The following PRPH2 variants were observed in gnomAD, a reference collection of about 807,000 sequenced individuals.
PRPH2 encodes peripherin 2.
PRPH2 carries 17 observed loss-of-function variants against 31.3 expected under a neutral mutation model. The observed-to-expected ratio is 0.54, with a 90% confidence interval of 0.37 to 0.81. The LOEUF is 0.81. Among genes scored for constraint, PRPH2 ranks in the 40% least tolerant of loss-of-function variants. The pLI is 0.00. For missense variants in PRPH2, 430 were observed against 439.7 expected (o/e 0.98, Z 0.20); for synonymous variants, 165 against 184.4 (o/e 0.89, Z 0.85).
chr6:42,722,487 T>G lies in PRPH2; in HGVS notation c.-153A>C. ...GGGGGCTACCCATGTCGAGTCCCAC[T>G]AGCCTGGGATCCCCGTGAATGCAGT... On this transcript the variant is annotated 5_prime_UTR_variant, in exon 1 of 3. Transcript: ENST00000230381. The surrounding 1 kb of genome is among the most constrained non-coding windows in gnomAD (Gnocchi z 4.4). The G allele has an allele frequency of 6.6e-7, 1 of 1,507,552 alleles. No homozygotes were observed. The highest frequency in any genetic ancestry group is 2.1e-5 in the Admixed American group (1 of 47,810). The allele number at this position is 1,507,552 out of a possible 1,614,324, so 93.4% of individuals were successfully genotyped here.
intron 1 of PRPH2, among the ~76,000 whole-genome samples, chr6:42,710,432 G>A (rs1800254362): frequency 6.6e-6 from 1 of 152,170 alleles, no homozygotes; most frequent in Admixed American, 6.5e-5. Flanking sequence ...AACTCCTGGG[G>A]TCTCTCACTT....
At chr6:42,716,708 C>T (rs1761789917) in intron 1 of PRPH2, among the ~76,000 whole-genome samples, 1 of 149,852 alleles carries the variant, frequency 6.7e-6, no homozygotes, top group African/African-American at 2.5e-5. Context: ...GCAATCTCCG[C>T]CTCCCAGATT....
chr6:42,697,502 G>T lies in PRPH2; in HGVS notation c.*793C>A, dbSNP rs1799967851. ...AGCCTACCCCACTGCTTCCACCGAT[G>T]AGCCACAGGAGATCACCTGGCACTT... On this transcript the variant is annotated 3_prime_UTR_variant, in exon 3 of 3. Coordinates refer to ENST00000230381, the MANE Select transcript of PRPH2 (RefSeq NM_000322.5). The T allele has an allele frequency of 6.6e-6, 1 of 152,252 alleles. No homozygotes were observed. Among genetic ancestry groups the T allele is most frequent in the Admixed American group, 6.5e-5 (1 of 15,272 alleles). The allele number at this position is 152,252 out of a possible 1,614,324, so 9.4% of individuals were successfully genotyped here.
intron 2 of PRPH2, among the ~76,000 whole-genome samples, chr6:42,703,806 TA>T (rs893786241): frequency 6.6e-6 from 1 of 151,968 alleles, no homozygotes; most frequent in African/African-American, 2.4e-5. Context: ...TCACCTCAAT[TA>T]AAAAAACAAT....
At chr6:42,703,340 A>T (rs1800081334) in intron 2 of PRPH2, among the ~76,000 whole-genome samples, 1 of 152,254 alleles carries the variant, frequency 6.6e-6, no homozygotes, top group Non-Finnish European at 1.5e-5. Context: ...AGCGTTGCAG[A>T]TAAGATGAAC....
At chr6:42,704,116 A>T (rs9394920) in intron 2 of PRPH2, among the ~76,000 whole-genome samples, 3 of 136,196 alleles carry the variant, frequency 2.2e-5, no homozygotes, top group East Asian at 2.6e-4. Context: ...AAAAAAAAAT[A>T]AAAAAAATAA....
At chr6:42,710,001 A>C (rs1479580334) in intron 1 of PRPH2, among the ~76,000 whole-genome samples, 3 of 152,178 alleles carry the variant, frequency 2.0e-5, no homozygotes, top group Non-Finnish European at 4.4e-5. Flanking sequence ...TGAGGCCAGC[A>C]GAGGCTCTGA....
chr6:42,717,624 C>G (rs894022305), intron 1 of PRPH2, among the ~76,000 whole-genome samples: 1 of 152,146 alleles, frequency 6.6e-6, no homozygotes, highest in African/African-American at 2.4e-5. Flanking sequence ...GTCATGTAAA[C>G]TCACTAAACC....
intron 1 of PRPH2, among the ~76,000 whole-genome samples, chr6:42,707,672 G>A (rs73426451): frequency 0.26 from 39,658 of 152,038 alleles, 5,645 homozygotes; most frequent in African/African-American, 0.38. Context: ...TGTGCTCAAG[G>A]GCCACTGGTG....
intron 1 of PRPH2, among the ~76,000 whole-genome samples, chr6:42,708,782 G>C (rs889058873): frequency 1.4e-4 from 22 of 152,234 alleles, no homozygotes; most frequent in African/African-American, 5.1e-4. Flanking sequence ...GTATTTGGGA[G>C]CCATGGAGCT....
intron 1 of PRPH2, among the ~76,000 whole-genome samples, chr6:42,705,602 ATATATATATAT>A (rs1562424310): frequency 5.9e-4 from 7 of 11,832 alleles, no homozygotes; most frequent in East Asian, 3.7e-3. Flanking sequence ...AAAAAAAAAT[ATATATATATAT>A]ATATATATAT....
At chr6:42,701,853 T>A (rs947398798) in intron 2 of PRPH2, among the ~76,000 whole-genome samples, 7 of 151,960 alleles carry the variant, frequency 4.6e-5, no homozygotes, top group African/African-American at 1.7e-4. Flanking sequence ...TCCAGCAGTA[T>A]GTTCCTCTCC....
At chr6:42,702,564 T>C (rs1800065504) in intron 2 of PRPH2, among the ~76,000 whole-genome samples, 1 of 50,688 alleles carries the variant, frequency 2.0e-5, no homozygotes, top group African/African-American at 6.8e-5. Context: ...TATGGGTACA[T>C]GTTTAAGAAA....
rs35810763 is a variant in PRPH2 at position 42,719,567 on chromosome 6, CT to C, written c.581+2186del. On this transcript the variant is annotated intron_variant, in intron 1 of 2. Transcript: ENST00000230381. ...ATTACAAAATGGAACACTAAATTGT[CT>C]TTTTTTTTTTTTTTTTTTTGAGACA... Among the ~76,000 whole-genome samples, 674 of 111,064 alleles carry C rather than the reference CT, an allele frequency of 6.1e-3. 2 individuals are homozygous for C. The highest frequency in any genetic ancestry group is 0.019 in the African/African-American group (559 of 29,382). The allele number at this position is 111,064 out of a possible 152,430, so 72.9% of individuals were successfully genotyped here.
rs1370043443 is a variant in PRPH2, at chr6:42,704,354, C to T, written c.828+11G>A. The T allele has an allele frequency of 1.2e-6, 2 of 1,606,008 alleles. No individual in the cohort carries two copies. Among genetic ancestry groups the T allele is most frequent in the African/African-American group, 2.7e-5 (2 of 74,642 alleles). ...TCCTTACCCTCTACCCCCAGCTGGC[C>T]CAGGGCCTACCTCGAAGAGCCAAAT... On this transcript the variant is annotated intron_variant, in intron 2 of 2. Transcript: ENST00000230381.
In PRPH2 at chr6:42,698,489, G is replaced by C; in HGVS notation, c.847C>G (p.Leu283Val). ...WLFEVTITIG[L>V]RYLQTSLDGV... ...TCCAGCGACGTCTGTAGGTAGCGCA[G>C]CCCAATTGTAATGGTCACCTGGTGG... The change falls in exon 3 of 3, where the codon CTG (leucine) becomes GTG (valine). Residue 283 changes from leucine (L) to valine (V), a missense_variant. By Grantham distance (32) the Leu-to-Val change is conservative. Transcript: ENST00000230381. The C allele has an allele frequency of 6.2e-7, 1 of 1,614,172 alleles. No individual in the cohort carries two copies. Among genetic ancestry groups the C allele is most frequent in the Non-Finnish European group, 8.5e-7 (1 of 1,180,040 alleles).
At chr6:42,700,497 C>T (rs1338540117) in intron 2 of PRPH2, among the ~76,000 whole-genome samples, 1 of 152,128 alleles carries the variant, frequency 6.6e-6, no homozygotes, top group Non-Finnish European at 1.5e-5. Flanking sequence ...AATGAATGCT[C>T]TGGGACATTT....
rs993714311 is a variant in PRPH2, at chr6:42,721,780, C to G, written c.555G>C (p.Leu185=). ...FEIQWISNRY[L]DFSSKEVKDR... ...CTTTGACTTCTTTGGAGGAAAAGTC[C>G]AGGTAGCGATTGCTGATCCACTGAA... The change falls in exon 1 of 3, where the codon CTG becomes CTC. Residue 185 remains leucine (L), a synonymous_variant. Coordinates refer to ENST00000230381, the MANE Select transcript of PRPH2 (RefSeq NM_000322.5). 4 of 1,614,180 alleles carry G rather than the reference C, an allele frequency of 2.5e-6. No homozygotes were observed. The highest frequency in any genetic ancestry group is 2.5e-6 in the Non-Finnish European group (3 of 1,180,034).
intron 1 of PRPH2, among the ~76,000 whole-genome samples, chr6:42,716,390 T>C (rs1761780746): frequency 8.5e-6 from 1 of 118,294 alleles, no homozygotes; most frequent in African/African-American, 3.3e-5. Flanking sequence ...TAAGACCCTA[T>C]CTCTATTTTT....
Sources: gnomAD v4.1 joint callset for allele counts (sites outside exome capture counted in the v4.1 genomes callset) on GRCh38, gnomAD v4.1.1 for gene constraint, Gnocchi (gnomAD v3.1) non-coding constraint, MANE v1.5 for transcripts, NCBI Gene and HGNC (gene_info 2026-07-23, HGNC 2026-07-21) for gene names.